LPAR1: variants seen among roughly 807,000 people sequenced by gnomAD.
LPAR1 encodes the protein lysophosphatidic acid receptor 1.
A neutral mutation model predicts 23.8 loss-of-function variants in LPAR1; 5 were observed. The ratio of observed to expected loss-of-function variants is 0.21; its 90% CI spans 0.11 to 0.44. LPAR1 has a LOEUF of 0.44. Ranked by LOEUF, LPAR1 falls within the 20% of genes least tolerant of loss-of-function variation. LPAR1 has a pLI of 0.99. For missense variants in LPAR1, 311 were observed against 482.8 expected (o/e 0.64, Z 3.33); for synonymous variants, 160 against 164.7 (o/e 0.97, Z 0.22).
At chr9:111,029,330 T>A (rs1046931962) in intron 2 of LPAR1, among the ~76,000 whole-genome samples, 8 of 152,162 alleles carry the variant, frequency 5.3e-5, no homozygotes, top group Admixed American at 4.6e-4. Flanking sequence ...CAAGCCTCAC[T>A]GCAACAATCA....
intron 2 of LPAR1, among the ~76,000 whole-genome samples, chr9:110,991,015 A>G (rs563814097): frequency 3.6e-4 from 55 of 152,328 alleles, no homozygotes; most frequent in African/African-American, 1.2e-3. Context: ...TTAGATATCC[A>G]TAAGCAAAAA....
In LPAR1 at chr9:110,875,341, AC is replaced by A; in HGVS notation, c.*79del. On this transcript the variant is annotated 3_prime_UTR_variant, in exon 6 of 6. Transcript: ENST00000683809. Reference sequence around the variant, plus strand: ...TGACTTTTCTCCTCTCTCACACCCCACCTTGCCCTGGCAATTGGGTAGGGGG... The same window carrying A: ...TGACTTTTCTCCTCTCTCACACCCCACTTGCCCTGGCAATTGGGTAGGGGG... 1 of 1,282,390 alleles carries A rather than the reference AC, an allele frequency of 7.8e-7. No individual in the cohort carries two copies. Among genetic ancestry groups the A allele is most frequent in the Non-Finnish European group, 1.1e-6 (1 of 938,940 alleles). 79.4% of individuals were successfully genotyped at this position (1,282,390 alleles called of 1,614,324 possible).
intron 2 of LPAR1, among the ~76,000 whole-genome samples, chr9:110,992,037 T>G (rs2096906117): frequency 6.6e-6 from 1 of 151,934 alleles, no homozygotes; most frequent in African/African-American, 2.4e-5. Context: ...AAGCAGGATC[T>G]ATAAAGAACA....
intron 3 of LPAR1, 55 bp downstream of exon 3, chr9:110,973,426 A>G (rs2096482172): frequency 6.6e-6 from 1 of 152,196 alleles, no homozygotes; most frequent in South Asian, 2.1e-4. Context: ...TTCCCTGCCT[A>G]TATCTCCTCA....
intron 5 of LPAR1, among the ~76,000 whole-genome samples, chr9:110,882,509 C>T (rs929372072): frequency 1.3e-5 from 2 of 152,084 alleles, no homozygotes; most frequent in Non-Finnish European, 2.9e-5. Flanking sequence ...TAAGGAAGAC[C>T]CTGGAAGACC....
chr9:110,876,440 T>C (rs2079099508), intron 5 of LPAR1, among the ~76,000 whole-genome samples: 2 of 152,264 alleles, frequency 1.3e-5, no homozygotes, highest in South Asian at 2.1e-4. Flanking sequence ...TGCTGTCCTA[T>C]ATGCTTTACC....
intron 5 of LPAR1, among the ~76,000 whole-genome samples, chr9:110,910,175 G>A (rs942441524): frequency 7.2e-5 from 11 of 152,102 alleles, no homozygotes; most frequent in African/African-American, 2.7e-4. Context: ...AGCTTCAAAG[G>A]GTAGGCTGAC....
At chr9:111,017,224 C>A (rs1198117217) in intron 2 of LPAR1, among the ~76,000 whole-genome samples, 1 of 152,188 alleles carries the variant, frequency 6.6e-6, no homozygotes, top group African/African-American at 2.4e-5. Flanking sequence ...TAAATTCACA[C>A]TCACTTCCTC....
intron 4 of LPAR1, among the ~76,000 whole-genome samples, chr9:110,970,872 A>C (rs1018521898): frequency 1.6e-4 from 25 of 152,332 alleles, no homozygotes; most frequent in African/African-American, 5.8e-4. Context: ...ACAGTGGCTC[A>C]GGCTTGTAAT....
chr9:110,898,577 C>T (rs912804747), intron 5 of LPAR1, among the ~76,000 whole-genome samples: 4 of 152,136 alleles, frequency 2.6e-5, no homozygotes, highest in Non-Finnish European at 5.9e-5. Context: ...CAAGGGTCAT[C>T]GGGTTTACAG....
intron 5 of LPAR1, among the ~76,000 whole-genome samples, chr9:110,929,110 A>C (rs2094228895): frequency 6.6e-6 from 1 of 152,196 alleles, no homozygotes; most frequent in African/African-American, 2.4e-5. Flanking sequence ...ATTAAATCCC[A>C]TTTCTTCAAA....
At chr9:111,003,327 C>A (rs574349378) in intron 2 of LPAR1, among the ~76,000 whole-genome samples, 2 of 152,208 alleles carry the variant, frequency 1.3e-5, no homozygotes, top group East Asian at 3.9e-4. Flanking sequence ...CAAGCCAGAA[C>A]ACTCCACGGT....
At chr9:110,904,420 G>A (rs561148440) in intron 5 of LPAR1, among the ~76,000 whole-genome samples, 2 of 152,266 alleles carry the variant, frequency 1.3e-5, no homozygotes, top group South Asian at 4.2e-4. Flanking sequence ...GATATCAGTA[G>A]ACTGTGATAA....
rs552487303 is a variant in LPAR1, at chr9:111,030,682, G to T, written c.-182+5440C>A. On this transcript the variant is annotated intron_variant, in intron 2 of 5. Coordinates refer to ENST00000683809, the MANE Select transcript of LPAR1 (RefSeq NM_001351411.2). ...AATATTCTCTGCAATGCTTTTTGTC[G>T]TCTTGGTTGTCACACAGCTGGAAAT... 5.3e-5 allele frequency among the ~76,000 whole-genome samples: 8 copies of T among 152,130 alleles called. No individual in the cohort carries two copies. In the South Asian group the frequency reaches 1.7e-3, roughly 31 times the overall value.
chr9:110,984,392 T>C (rs2096736345), intron 2 of LPAR1, among the ~76,000 whole-genome samples: 1 of 152,098 alleles, frequency 6.6e-6, no homozygotes, highest in Non-Finnish European at 1.5e-5. Flanking sequence ...TCCATGTTGT[T>C]GCAAATGACA....
At chr9:110,935,508 G>A (rs552095484) in intron 5 of LPAR1, among the ~76,000 whole-genome samples, 1 of 152,116 alleles carries the variant, frequency 6.6e-6, no homozygotes, top group Non-Finnish European at 1.5e-5. Context: ...AAAAATATTG[G>A]CTGGGCATGG....
intron 5 of LPAR1, among the ~76,000 whole-genome samples, chr9:110,923,758 G>A (rs541317264): frequency 9.0e-4 from 137 of 152,288 alleles, no homozygotes; most frequent in Non-Finnish European, 8.5e-4. Context: ...CATTGCTCAA[G>A]CGGACTCTGC....
intron 2 of LPAR1, among the ~76,000 whole-genome samples, chr9:110,982,448 G>C (rs1588674963): frequency 1.3e-5 from 2 of 152,096 alleles, no homozygotes; most frequent in South Asian, 4.2e-4. Context: ...GACACAGGGA[G>C]GGGAACATCA....
intron 4 of LPAR1, among the ~76,000 whole-genome samples, chr9:110,966,606 A>G (rs550147748): frequency 6.6e-6 from 1 of 152,262 alleles, no homozygotes; most frequent in African/African-American, 2.4e-5. Context: ...AAAGTAAAAT[A>G]TTTTAGAATA....
Sources: allele counts gnomAD v4.1 joint callset (sites outside exome capture counted in the v4.1 genomes callset), GRCh38; gene constraint gnomAD v4.1.1; transcripts MANE v1.5; gene names NCBI Gene and HGNC (gene_info 2026-07-23, HGNC 2026-07-21).